DYNLL1: variants seen among roughly 807,000 people sequenced by gnomAD.
DYNLL1 encodes dynein light chain 1, cytoplasmic.
DYNLL1 carries 3 observed loss-of-function variants against 10.1 expected under a neutral mutation model. The observed-to-expected ratio is 0.30, with a 90% CI of 0.14 to 0.77. The LOEUF is 0.77. Among genes scored for constraint, DYNLL1 ranks in the 30% least tolerant of loss-of-function variants. DYNLL1 has a pLI of 0.66. For missense variants in DYNLL1, 47 were observed against 111.7 expected, an observed-to-expected ratio of 0.42 and a Z score of 2.61; for synonymous variants, 46 against 41.2, an observed-to-expected ratio of 1.12 and a Z score of -0.45.
intron 1 of DYNLL1, among the ~76,000 whole-genome samples, chr12:120,490,141 G>A (rs1160295628): frequency 6.6e-6 from 1 of 152,152 alleles, no homozygotes; most frequent in Non-Finnish European, 1.5e-5. Context: ...CCATAAAAAG[G>A]AAACTTTGCC....
intron 1 of DYNLL1, among the ~76,000 whole-genome samples, chr12:120,484,213 G>T (rs1169593619): frequency 6.6e-6 from 1 of 152,082 alleles, no homozygotes; most frequent in Non-Finnish European, 1.5e-5. Context: ...AACTGATGAT[G>T]CAGGAGAGGG....
At chr12:120,479,422 TG>T (rs1878826982) in intron 1 of DYNLL1, among the ~76,000 whole-genome samples, 2 of 122,874 alleles carry the variant, frequency 1.6e-5, no homozygotes, top group Admixed American at 2.2e-4. Flanking sequence ...CCATCCAGCC[TG>T]GGCATCAAGA....
At chr12:120,477,862 T>C (rs529128286) in intron 1 of DYNLL1, among the ~76,000 whole-genome samples, 1 of 152,180 alleles carries the variant, frequency 6.6e-6, no homozygotes, top group East Asian at 1.9e-4. Context: ...AATGGTGCGA[T>C]GTCAGCTCAC....
chr12:120,487,079 A>G (rs542204918), intron 1 of DYNLL1, among the ~76,000 whole-genome samples: 1 of 146,096 alleles, frequency 6.8e-6, no homozygotes, highest in African/African-American at 2.6e-5. Flanking sequence ...GGTTCACACC[A>G]TTGTCCTGCT....
chr12:120,484,484 A>G (rs1878949978), intron 1 of DYNLL1, among the ~76,000 whole-genome samples: 1 of 152,248 alleles, frequency 6.6e-6, no homozygotes, highest in Admixed American at 6.5e-5. Context: ...ATGCCGGGAA[A>G]AAATCAAATT....
chr12:120,498,343 T>A lies in DYNLL1; in HGVS notation c.*133T>A. The A allele has an allele frequency of 9.1e-7, 1 of 1,103,308 alleles. No individual in the cohort carries two copies. The highest frequency in any genetic ancestry group is 1.3e-6 in the Non-Finnish European group (1 of 794,652). The allele number at this position is 1,103,308 out of a possible 1,614,324, so 68.3% of individuals were successfully genotyped here. On this transcript the variant is annotated 3_prime_UTR_variant, in exon 3 of 3. Coordinates refer to ENST00000242577, the MANE Select transcript of DYNLL1 (RefSeq NM_003746.3). ...CGATGTTTGAACCTTTGTTGTGTTT[T>A]GTACAGGGCATTCTCTGTACTAGTT...
intron 1 of DYNLL1, among the ~76,000 whole-genome samples, chr12:120,489,289 A>T (rs1313692615): frequency 6.6e-6 from 1 of 152,166 alleles, no homozygotes; most frequent in Non-Finnish European, 1.5e-5. Context: ...TGACATCTCC[A>T]CTTGGAATAT....
At chr12:120,496,855 G>T in intron 2 of DYNLL1, 1 of 569,686 alleles carries the variant, frequency 1.8e-6, no homozygotes, top group Non-Finnish European at 3.1e-6. Flanking sequence ...CCTGCGCCGA[G>T]GATCCATCTG....
upstream of DYNLL1, chr12:120,495,689 T>TGGTGGGGG (rs1879248674): frequency 1.3e-4 from 1 of 7,726 alleles, no homozygotes; most frequent in East Asian, 3.8e-3. Context: ...CGACCTGTCG[T>TGGTGGGGG]GGTGGGGGGG....
upstream of DYNLL1, among the ~76,000 whole-genome samples, chr12:120,494,317 C>T (rs2137069205): frequency 6.7e-6 from 1 of 149,956 alleles, no homozygotes; most frequent in South Asian, 2.1e-4. Flanking sequence ...GACGGAGTTG[C>T]CCAGGCTGGA....
intron 1 of DYNLL1, among the ~76,000 whole-genome samples, chr12:120,478,090 C>T (rs1242120326): frequency 6.8e-6 from 1 of 147,604 alleles, no homozygotes; most frequent in Non-Finnish European, 1.5e-5. Flanking sequence ...CTGCACCCGG[C>T]CAAAAGTTTT....
chr12:120,496,345 C>G, intron 1 of DYNLL1, 71 bp from the exon 2 acceptor site: 1 of 1,591,594 alleles, frequency 6.3e-7, no homozygotes, highest in Non-Finnish European at 8.6e-7. Context: ...TGGCGCCGGC[C>G]GGGGTGGGGG....
chr12:120,494,431 C>T (rs370066411), upstream of DYNLL1, among the ~76,000 whole-genome samples: 1 of 152,048 alleles, frequency 6.6e-6, no homozygotes. Flanking sequence ...CACGTGCCAC[C>T]ATGCCCAGCT....
chr12:120,478,896 G>C (rs1565920732), intron 1 of DYNLL1, among the ~76,000 whole-genome samples: 1 of 148,584 alleles, frequency 6.7e-6, no homozygotes, highest in Non-Finnish European at 1.5e-5. Context: ...TGTTGGCCAG[G>C]CTGGTCTTGA....
At chr12:120,491,789 A>G (rs533089529), upstream of DYNLL1, 11 of 152,374 alleles carry the variant, frequency 7.2e-5, no homozygotes, top group African/African-American at 2.4e-4. Flanking sequence ...GAAGATCACG[A>G]TGGCCAAGAA....
intron 1 of DYNLL1, among the ~76,000 whole-genome samples, chr12:120,474,003 C>G (rs1003194144): frequency 4.0e-5 from 6 of 150,250 alleles, no homozygotes; most frequent in Non-Finnish European, 7.4e-5. Context: ...AGAAATCACC[C>G]AAATAGGAGA....
intron 1 of DYNLL1, among the ~76,000 whole-genome samples, chr12:120,485,588 C>A (rs1036435739): frequency 6.6e-6 from 1 of 151,750 alleles, no homozygotes; most frequent in Admixed American, 6.6e-5. Context: ...GCCTATAATA[C>A]CAGCACTTTT....
At chr12:120,472,232 A>G (rs1432045005) in intron 1 of DYNLL1, among the ~76,000 whole-genome samples, 1 of 152,050 alleles carries the variant, frequency 6.6e-6, no homozygotes, top group East Asian at 1.9e-4. Context: ...ATATCTCTTG[A>G]TGGCAGTGAT....
intron 1 of DYNLL1, 69 bp from the exon 2 acceptor site, chr12:120,496,347 G>A (rs572693672): frequency 1.3e-6 from 2 of 1,598,224 alleles, no homozygotes; most frequent in South Asian, 2.2e-5. Flanking sequence ...GCGCCGGCCG[G>A]GGTGGGGGCA....
Sources: gnomAD v4.1 joint callset for allele counts (sites outside exome capture counted in the v4.1 genomes callset) on GRCh38, gnomAD v4.1.1 for gene constraint, MANE v1.5 for transcripts, NCBI Gene and HGNC (gene_info 2026-07-23, HGNC 2026-07-21) for gene names.